The following ACSF3 variants were observed in gnomAD, a reference collection of about 807,000 sequenced individuals.
The protein encoded by ACSF3 is malonate--CoA ligase ACSF3, mitochondrial.
In ACSF3, 78 loss-of-function variants were observed where a neutral mutation model predicts 53.2. The observed-to-expected ratio is 1.47, with a 90% CI of 1.22 to 1.77. The LOEUF is 1.77. ACSF3 is among the 40% of genes most tolerant of loss of function. The probability of loss-of-function intolerance (pLI) is 0.00; values close to 1 mark genes in which losing one functional copy is unlikely to be tolerated. For synonymous variants in ACSF3, 414 were observed against 333.1 expected (o/e 1.24, Z -2.65); for missense variants, 937 against 771.1 (o/e 1.22, Z -2.55).
chr16:89,120,962 G>GC (rs770612972), intron 7 of ACSF3, 49 bp downstream of exon 7: 2 of 1,548,856 alleles, frequency 1.3e-6, no homozygotes, highest in Non-Finnish European at 1.8e-6. Context: ...TCCAGTCTAG[G>GC]CCCCCCAGGG....
chr16:89,136,558 G>A, intron 8 of ACSF3: 2 of 1,275,454 alleles, frequency 1.6e-6, no homozygotes, highest in Non-Finnish European at 2.0e-6. Context: ...AGCCCCTCCT[G>A]CCACACGGAT....
Position 89,097,479 on chromosome 16 carries a change from G to A in ACSF3, c.-193-1112G>A, listed in dbSNP as rs571107323. ...CTCTCAGCAGCGGAAGTCTGGCCTC[G>A]GGGCCGTAACCCAGAGCACCCAGTG... On this transcript the variant is annotated intron_variant, in intron 1 of 10. Transcript: ENST00000614302. Among the ~76,000 whole-genome samples, 5 of 152,352 alleles carry A rather than the reference G, an allele frequency of 3.3e-5. No individual in the cohort carries two copies. In the South Asian group the frequency reaches 8.3e-4, roughly 25 times the overall value.
At chr16:89,133,039 G>T in intron 7 of ACSF3, 97 bp from the exon 8 acceptor site, 1 of 1,562,288 alleles carries the variant, frequency 6.4e-7, no homozygotes, top group Non-Finnish European at 8.8e-7. Context: ...GCCCTGGGTG[G>T]GCCCTGGGTG....
At chr16:89,116,878 G>A (rs917128610) in intron 6 of ACSF3, among the ~76,000 whole-genome samples, 54 of 152,334 alleles carry the variant, frequency 3.5e-4, no homozygotes, top group African/African-American at 1.2e-3. Context: ...GATGGCTGCG[G>A]CACCAGCTGT....
chr16:89,145,431 C>T, intron 9 of ACSF3, 30 bp downstream of exon 9: 1 of 1,613,094 alleles, frequency 6.2e-7, no homozygotes, highest in Non-Finnish European at 8.5e-7. Flanking sequence ...CCAGGGAGGC[C>T]AGGCTAGACG....
chr16:89,127,734 T>G (rs1035764850), intron 7 of ACSF3, among the ~76,000 whole-genome samples: 6 of 152,200 alleles, frequency 3.9e-5, no homozygotes, highest in African/African-American at 1.2e-4. Context: ...ACTGTTCAGG[T>G]CATCTGTTGC....
chr16:89,143,972 G>T (rs955913785), intron 8 of ACSF3, among the ~76,000 whole-genome samples: 5 of 152,218 alleles, frequency 3.3e-5, no homozygotes, highest in Admixed American at 6.5e-5. Context: ...GGAGTGCAGG[G>T]TATGTGGAAG....
intron 6 of ACSF3, among the ~76,000 whole-genome samples, chr16:89,116,494 C>T (rs2151462289): frequency 6.6e-6 from 1 of 152,198 alleles, no homozygotes; most frequent in African/African-American, 2.4e-5. Context: ...CTTTGCTGGG[C>T]CTGGGGAGCC....
chr16:89,148,421 AATAATC>A (rs1913509996), intron 10 of ACSF3: 2 of 152,074 alleles, frequency 1.3e-5, no homozygotes, highest in South Asian at 4.1e-4. Flanking sequence ...AAAGCCCCAA[AATAATC>A]TCCTAAGACC....
intron 1 of ACSF3, among the ~76,000 whole-genome samples, chr16:89,094,299 T>A (rs554608934): frequency 0.032 from 4,937 of 152,006 alleles, 241 homozygotes; most frequent in African/African-American, 0.11. Context: ...GAACGAATCG[T>A]CTTTGGTTGT....
chr16:89,109,055 A>G (rs1298500563), intron 4 of ACSF3, among the ~76,000 whole-genome samples: 1 of 152,038 alleles, frequency 6.6e-6, no homozygotes, highest in Admixed American at 6.6e-5. Context: ...CAACAGGGTG[A>G]AACCCTGTCT....
At chr16:89,122,375 GC>G in intron 7 of ACSF3, 1 of 447,902 alleles carries the variant, frequency 2.2e-6, no homozygotes, top group Non-Finnish European at 4.5e-6. Flanking sequence ...CCTCTGTAGG[GC>G]CCCAGCCCAT....
Position 89,155,223 on chromosome 16 carries a change from G to A in ACSF3, c.*1016G>A. ...GGCTGCCTCCTCCCCACAGCCTGGG[G>A]GAAGTAACAGTCATCGCCCAGCAGT... On this transcript the variant is annotated 3_prime_UTR_variant, in exon 11 of 11. Coordinates refer to ENST00000614302, the MANE Select transcript of ACSF3 (RefSeq NM_001243279.3). 2.2e-6 allele frequency: 1 copy of A among 454,154 alleles called. No individual in the cohort carries two copies. The highest frequency in any genetic ancestry group is 1.6e-5 in the South Asian group (1 of 64,480). The allele number at this position is 454,154 out of a possible 1,614,324, so 28.1% of individuals were successfully genotyped here.
chr16:89,117,214 T>C (rs879705681), intron 6 of ACSF3, among the ~76,000 whole-genome samples: 4 of 152,184 alleles, frequency 2.6e-5, no homozygotes, highest in Non-Finnish European at 4.4e-5. Context: ...TGACTGTTCA[T>C]CCACAGCATT....
At chr16:89,154,048 A>G in intron 10 of ACSF3, 42 bp from the exon 11 acceptor site, 2 of 1,595,076 alleles carry the variant, frequency 1.3e-6, no homozygotes, top group East Asian at 2.2e-5. Context: ...CCTGCTGGGC[A>G]CTGTCAGGGC....
intron 3 of ACSF3, among the ~76,000 whole-genome samples, chr16:89,101,965 C>T (rs924951070): frequency 5.3e-5 from 8 of 152,300 alleles, no homozygotes; most frequent in Admixed American, 4.6e-4. Flanking sequence ...GGAAGCGGCG[C>T]GCCTGTCGGG....
intron 10 of ACSF3, chr16:89,151,375 G>A (rs989571977): frequency 1.9e-5 from 7 of 372,830 alleles, no homozygotes; most frequent in South Asian, 1.0e-4. Context: ...ACAGAGTGGG[G>A]AGGAACACTT....
rs191205593 is a variant in ACSF3, at chr16:89,136,866, G to A, written c.1366+3604G>A. The stretch of plus-strand genomic sequence containing the variant: ...GACGGCCACAACGATGTCTTCAGAC[G>A]TCAAAGGTCTGTCTCAGGTAACTCC... On this transcript the variant is annotated intron_variant, in intron 8 of 10. Transcript: ENST00000614302. 3.3e-4 allele frequency: 422 copies of A among 1,272,016 alleles called. 1 individual carries two copies. In the African/African-American group the frequency reaches 5.5e-3, roughly 17 times the overall value. 78.8% of individuals were successfully genotyped at this position (1,272,016 alleles called of 1,614,324 possible).
At chr16:89,138,139 G>A (rs1192940988) in intron 8 of ACSF3, among the ~76,000 whole-genome samples, 1 of 152,192 alleles carries the variant, frequency 6.6e-6, no homozygotes, top group Admixed American at 6.5e-5. Context: ...CACTGTGGAG[G>A]CCAAGTGGGG....
Sources: gnomAD v4.1 joint callset for allele counts (sites outside exome capture counted in the v4.1 genomes callset) on GRCh38, gnomAD v4.1.1 for gene constraint, MANE v1.5 for transcripts, NCBI Gene and HGNC (gene_info 2026-07-23, HGNC 2026-07-21) for gene names.